Variants in NMU observed in about 807,000 individuals in gnomAD.
The protein encoded by NMU is neuromedin U, also known as neuromedin-U.
Under a neutral mutation model 35.4 loss-of-function variants are expected in NMU, and 29 were observed. The ratio of observed to expected loss-of-function variants is 0.82; its 90% CI spans 0.61 to 1.12. NMU has a LOEUF of 1.12. NMU is among the 50% of genes most tolerant of loss of function. The pLI, the probability that NMU is intolerant of heterozygous loss-of-function variation, is 0.00. For synonymous variants in NMU, 78 were observed against 81.3 expected (o/e 0.96, Z 0.22); for missense variants, 199 against 206.2 (o/e 0.97, Z 0.21).
At chr4:55,625,168 T>TTA (rs1222288843) in intron 2 of NMU, among the ~76,000 whole-genome samples, 1 of 37,824 alleles carries the variant, frequency 2.6e-5, no homozygotes, top group Admixed American at 3.3e-4. Context: ...TAAAGTATAA[T>TTA]TAAAAAAAAA....
At chr4:55,604,444 T>C (rs1332625170) in intron 7 of NMU, among the ~76,000 whole-genome samples, 2 of 151,956 alleles carry the variant, frequency 1.3e-5, no homozygotes, top group Non-Finnish European at 2.9e-5. Flanking sequence ...ATCTTACACA[T>C]AGATGCTGGA....
intron 1 of NMU, 91 bp downstream of exon 1, chr4:55,635,990 A>C (rs1293669914): frequency 3.3e-6 from 5 of 1,524,990 alleles, no homozygotes; most frequent in Non-Finnish European, 4.4e-6. Context: ...AGCCAAGTAA[A>C]GGTGAGAGAA....
chr4:55,614,803 C>A (rs1734056031), intron 3 of NMU, among the ~76,000 whole-genome samples: 1 of 152,236 alleles, frequency 6.6e-6, no homozygotes, highest in Middle Eastern at 3.4e-3. Flanking sequence ...ATTTTAAATA[C>A]AATACAAATG....
At chr4:55,602,808 T>C (rs1209964779) in intron 7 of NMU, among the ~76,000 whole-genome samples, 1 of 152,200 alleles carries the variant, frequency 6.6e-6, no homozygotes, top group Non-Finnish European at 1.5e-5. Flanking sequence ...TCTTCTTTGA[T>C]GGAAACTTCA....
At chr4:55,619,515 C>T (rs1483223512) in intron 2 of NMU, among the ~76,000 whole-genome samples, 4 of 142,918 alleles carry the variant, frequency 2.8e-5, no homozygotes, top group African/African-American at 2.6e-5. Flanking sequence ...GAGGGTCCTA[C>T]GCCCACGGAA....
At chr4:55,616,233 T>C in intron 3 of NMU, 105 bp downstream of exon 3, 3 of 810,466 alleles carry the variant, frequency 3.7e-6, no homozygotes, top group Non-Finnish European at 6.6e-6. Context: ...ATCTCACACG[T>C]TGACATGTTT....
intron 4 of NMU, among the ~76,000 whole-genome samples, chr4:55,608,227 T>A (rs746828104): frequency 1.8e-4 from 27 of 152,040 alleles, no homozygotes; most frequent in Non-Finnish European, 3.1e-4. Flanking sequence ...TTGTTGTTGT[T>A]CTTTCTCACT....
At position 55,603,183 on chromosome 4, in the gene NMU, T is replaced by C. The variant is rs1199993407; in HGVS notation, c.435+2092A>G. ...GCTGATTTTTTTTTGTTTTTGTTTT[T>C]GTATTTTTAGTAGAGACGGGATTTC... On this transcript the variant is annotated intron_variant, in intron 7 of 9. Coordinates refer to ENST00000264218, the MANE Select transcript of NMU (RefSeq NM_006681.4). 2.0e-5 allele frequency among the ~76,000 whole-genome samples: 3 copies of C among 151,992 alleles called. No homozygotes were observed. In the East Asian group the frequency reaches 5.8e-4, roughly 29 times the overall value.
intron 2 of NMU, among the ~76,000 whole-genome samples, chr4:55,617,677 C>T (rs1734164424): frequency 6.6e-6 from 1 of 152,164 alleles, no homozygotes; most frequent in East Asian, 1.9e-4. Context: ...CATTTTAAAG[C>T]TCTGACTTTT....
rs561979631 is a variant in NMU, at chr4:55,628,575, T to C, written c.171+1827A>G. ...GTGCAGTGGTGCCATCTCGGCTCAC[T>C]GCAACCTCCGCTTCCCAGGCTCAAG... On this transcript the variant is annotated intron_variant, in intron 2 of 9. Transcript: ENST00000264218. Among the ~76,000 whole-genome samples, 281 of 152,234 alleles carry C rather than the reference T, an allele frequency of 1.8e-3. 1 individual carries two copies. The highest frequency in any genetic ancestry group is 6.6e-3 in the African/African-American group (276 of 41,552).
intron 1 of NMU, among the ~76,000 whole-genome samples, chr4:55,635,054 A>G (rs1715834112): frequency 6.6e-6 from 1 of 152,220 alleles, no homozygotes; most frequent in Non-Finnish European, 1.5e-5. Flanking sequence ...TAAGTACCCA[A>G]CGTTCTGAAC....
chr4:55,632,991 GA>G (rs1313832346), intron 1 of NMU, among the ~76,000 whole-genome samples: 9 of 129,890 alleles, frequency 6.9e-5, no homozygotes, highest in African/African-American at 2.6e-4. Flanking sequence ...AAAAGGAGAG[GA>G]AACAAAATTA....
intron 1 of NMU, among the ~76,000 whole-genome samples, chr4:55,632,156 T>G (rs1734779145): frequency 6.6e-6 from 1 of 151,422 alleles, no homozygotes. Flanking sequence ...GACTCGGAGG[T>G]GGAGGCTAGG....
intron 7 of NMU, among the ~76,000 whole-genome samples, chr4:55,604,679 ATTTTTTTTTTTT>A (rs767568542): frequency 1.1e-4 from 5 of 47,610 alleles, no homozygotes; most frequent in South Asian, 1.4e-3. Context: ...TGCCTGGCTA[ATTTTTTTTTTTT>A]TTTTTTTTTT....
At chr4:55,597,877 A>T (rs1577929408) in intron 9 of NMU, among the ~76,000 whole-genome samples, 1 of 151,402 alleles carries the variant, frequency 6.6e-6, no homozygotes, top group Non-Finnish European at 1.5e-5. Context: ...TTCTCTTTTC[A>T]TTTGTACTTT....
At chr4:55,625,676 C>A (rs1057399329) in intron 2 of NMU, among the ~76,000 whole-genome samples, 2 of 152,172 alleles carry the variant, frequency 1.3e-5, no homozygotes, top group African/African-American at 4.8e-5. Flanking sequence ...CCCCATTCCA[C>A]CCTCCTATAG....
chr4:55,613,644 CT>C (rs1404597396), intron 3 of NMU, among the ~76,000 whole-genome samples: 3 of 152,120 alleles, frequency 2.0e-5, no homozygotes, highest in Non-Finnish European at 4.4e-5. Context: ...AGTCAGTCCC[CT>C]AACGCAGACA....
chr4:55,600,607 C>G (rs774394052), intron 7 of NMU, 32 bp from the exon 8 acceptor site: 1 of 1,502,404 alleles, frequency 6.7e-7, no homozygotes, highest in Non-Finnish European at 9.3e-7. Context: ...TTACAAATCA[C>G]ATAACACTAA....
In NMU at chr4:55,629,175, C is replaced by T. The variant is rs188433643; in HGVS notation, c.171+1227G>A. Among the ~76,000 whole-genome samples the T allele has an allele frequency of 8.5e-4, 129 of 152,208 alleles. 1 individual carries two copies. In the Middle Eastern group the frequency reaches 0.02, roughly 24 times the overall value. Reference sequence around the variant, plus strand: ...TATTTTTTCTAACTTATGGACTCTTCCTTTCTGTCTAACACATTCTGTTTT... The same window carrying T: ...TATTTTTTCTAACTTATGGACTCTTTCTTTCTGTCTAACACATTCTGTTTT... On this transcript the variant is annotated intron_variant, in intron 2 of 9. Transcript: ENST00000264218.
Sources: gnomAD v4.1 joint callset for allele counts (sites outside exome capture counted in the v4.1 genomes callset) on GRCh38, gnomAD v4.1.1 for gene constraint, MANE v1.5 for transcripts, NCBI Gene and HGNC (gene_info 2026-07-23, HGNC 2026-07-21) for gene names.